The following NRG1 variants were observed in gnomAD, a reference collection of about 807,000 sequenced individuals.
NRG1 encodes the protein pro-neuregulin-1, membrane-bound isoform.
NRG1 carries 18 observed loss-of-function variants against 63.8 expected under a neutral mutation model. The observed-to-expected ratio is 0.28, with a 90% CI of 0.19 to 0.42. NRG1 has a LOEUF of 0.42. NRG1 is among the 10% of genes least tolerant of loss of function. The probability of loss-of-function intolerance (pLI) is 1.00; values close to 1 mark genes in which losing one functional copy is unlikely to be tolerated. For missense variants in NRG1, 762 were observed against 814.7 expected, an observed-to-expected ratio of 0.94 and a Z score of 0.79; for synonymous variants, 302 against 301.3, an observed-to-expected ratio of 1.00 and a Z score of -0.02.
At chr8:31,735,097 A>G (rs1038111769) in intron 1 of NRG1, among the ~76,000 whole-genome samples, 1 of 152,140 alleles carries the variant, frequency 6.6e-6, no homozygotes, top group Non-Finnish European at 1.5e-5. Flanking sequence ...TACTGGGGGA[A>G]TTTCCAAGTC....
chr8:31,955,183 A>G (rs1804159191), intron 1 of NRG1, among the ~76,000 whole-genome samples: 1 of 152,192 alleles, frequency 6.6e-6, no homozygotes, highest in Non-Finnish European at 1.5e-5. Flanking sequence ...AACGGCAATT[A>G]CTTTTGCACC....
chr8:32,185,999 C>G (rs1027678914), intron 1 of NRG1, among the ~76,000 whole-genome samples: 8 of 152,166 alleles, frequency 5.3e-5, no homozygotes, highest in African/African-American at 1.7e-4. Context: ...GAGGTTAGAT[C>G]TTATAGAAGT....
chr8:31,674,627 G>T (rs1216259674), intron 1 of NRG1, among the ~76,000 whole-genome samples: 3 of 151,164 alleles, frequency 2.0e-5, no homozygotes, highest in Non-Finnish European at 2.9e-5. Context: ...TCAAGATCTT[G>T]TAAGCTTTGT....
At chr8:32,495,661 C>T (rs1031939333) in intron 1 of NRG1, among the ~76,000 whole-genome samples, 2 of 152,110 alleles carry the variant, frequency 1.3e-5, no homozygotes, top group Non-Finnish European at 2.9e-5. Context: ...TGGGGTTTCG[C>T]CACGTTGGCC....
chr8:31,877,441 ATCTC>A (rs142581838), intron 1 of NRG1, among the ~76,000 whole-genome samples: 1 of 151,060 alleles, frequency 6.6e-6, no homozygotes, highest in Non-Finnish European at 1.5e-5. Context: ...TCTTTTGGTT[ATCTC>A]TCTCTCTCTG....
chr8:31,694,107 T>C (rs1396813030), intron 1 of NRG1, among the ~76,000 whole-genome samples: 3 of 152,198 alleles, frequency 2.0e-5, no homozygotes, highest in African/African-American at 7.2e-5. Flanking sequence ...CCTCCTAAAG[T>C]ACTGGGATTA....
rs1480849299 is a variant in NRG1 at position 32,210,460 on chromosome 8, T to C, written c.38-385368T>C. On this transcript the variant is annotated intron_variant, in intron 1 of 10. Coordinates refer to the NRG1 transcript ENST00000519301. Reference sequence around the variant, plus strand: ...ATCTCACAGACCTCCCGAAAGGGTCTTGAAGATCCATGAGCAATCCCTGGA... The same window carrying C: ...ATCTCACAGACCTCCCGAAAGGGTCCTGAAGATCCATGAGCAATCCCTGGA... Among the ~76,000 whole-genome samples, 3 of 152,194 alleles carry C rather than the reference T, an allele frequency of 2.0e-5. No homozygotes were observed. In the East Asian group the frequency reaches 5.8e-4, roughly 29 times the overall value.
At chr8:31,944,337 C>G (rs1192022274) in intron 1 of NRG1, among the ~76,000 whole-genome samples, 1 of 152,124 alleles carries the variant, frequency 6.6e-6, no homozygotes, top group Non-Finnish European at 1.5e-5. Flanking sequence ...GTTGTCATCT[C>G]AAAGGTCATA....
At chr8:32,171,430 G>A (rs191544018) in intron 1 of NRG1, 1 of 152,476 alleles carries the variant, frequency 6.6e-6, no homozygotes, top group East Asian at 1.9e-4. Flanking sequence ...CGACGCAGAA[G>A]ACAGGTGATT....
intron 1 of NRG1, among the ~76,000 whole-genome samples, chr8:31,934,003 C>T (rs1182455606): frequency 1.3e-5 from 2 of 152,096 alleles, no homozygotes; most frequent in African/African-American, 2.4e-5. Flanking sequence ...TATAAGATAC[C>T]AAAGACTTCA....
chr8:32,751,585 A>G (rs1036797120), intron 7 of NRG1, among the ~76,000 whole-genome samples: 4 of 152,208 alleles, frequency 2.6e-5, no homozygotes, highest in Non-Finnish European at 5.9e-5. Context: ...GAGCCAAACC[A>G]TGAAAAATTC....
intron 1 of NRG1, among the ~76,000 whole-genome samples, chr8:31,875,163 G>A (rs150239344): frequency 2.1e-3 from 319 of 152,192 alleles, no homozygotes; most frequent in African/African-American, 6.9e-3. Context: ...ATAGCTTTTA[G>A]GGCATCCCTT....
chr8:32,747,333 G>A (rs1589562081), intron 7 of NRG1, among the ~76,000 whole-genome samples: 1 of 152,140 alleles, frequency 6.6e-6, no homozygotes, highest in East Asian at 1.9e-4. Flanking sequence ...AGGGAAGGGA[G>A]GGGGCTCTAG....
At chr8:32,167,344 T>C (rs1460661018) in intron 1 of NRG1, among the ~76,000 whole-genome samples, 1 of 152,198 alleles carries the variant, frequency 6.6e-6, no homozygotes, top group East Asian at 1.9e-4. Flanking sequence ...TCATTTGTTT[T>C]ATCCACTTTT....
intron 1 of NRG1, among the ~76,000 whole-genome samples, chr8:32,110,535 A>C (rs7463521): frequency 9.9e-5 from 15 of 152,204 alleles, no homozygotes; most frequent in Non-Finnish European, 2.1e-4. Flanking sequence ...TGGTGAATGT[A>C]AGGTGAGAAT....
intron 1 of NRG1, among the ~76,000 whole-genome samples, chr8:32,537,264 C>T (rs1221387924): frequency 7.0e-6 from 1 of 142,366 alleles, no homozygotes; most frequent in Non-Finnish European, 1.5e-5. Flanking sequence ...CATTCAAGTA[C>T]TAGATTTCCT....
chr8:32,147,917 T>C (rs1244708774), intron 1 of NRG1, among the ~76,000 whole-genome samples: 1 of 152,188 alleles, frequency 6.6e-6, no homozygotes, highest in East Asian at 1.9e-4. Flanking sequence ...TAATAATGTG[T>C]AATTTACCCC....
In NRG1 at chr8:32,506,966, A is replaced by G. The variant is rs189303449; in HGVS notation, c.38-88862A>G. Among the ~76,000 whole-genome samples the G allele has an allele frequency of 3.3e-5, 5 of 152,208 alleles. No homozygotes were observed. In the South Asian group the frequency reaches 1.0e-3, roughly 32 times the overall value. On this transcript the variant is annotated intron_variant, in intron 1 of 10. Transcript: ENST00000519301. ...TCTATTCTTTGATTAATTACCCTCA[A>G]CCCATTTAGCCATTAATTTATTGAA...
chr8:32,494,424 A>G (rs1358879611), intron 1 of NRG1, among the ~76,000 whole-genome samples: 2 of 152,206 alleles, frequency 1.3e-5, no homozygotes, highest in African/African-American at 4.8e-5. Context: ...TTAACACATG[A>G]ATTGTCTCCA....
Sources: allele counts gnomAD v4.1 joint callset (sites outside exome capture counted in the v4.1 genomes callset), GRCh38; gene constraint gnomAD v4.1.1; transcripts MANE v1.5; gene names NCBI Gene and HGNC (gene_info 2026-07-23, HGNC 2026-07-21).